Variants in EDEM2 observed in about 807,000 individuals in gnomAD.
The protein encoded by EDEM2 is ER degradation-enhancing alpha-mannosidase-like protein 2.
In EDEM2, 39 loss-of-function variants were observed where a neutral mutation model predicts 64.8. That is an observed-to-expected ratio of 0.60 (90% CI 0.47 to 0.79). The LOEUF (loss-of-function observed/expected upper bound fraction) is 0.79. Ranked by LOEUF, EDEM2 falls within the 30% of genes least tolerant of loss-of-function variation. The pLI, the probability that EDEM2 is intolerant of heterozygous loss-of-function variation, is 0.00. For synonymous variants in EDEM2, 296 were observed against 291.5 expected (o/e 1.02, Z -0.16); for missense variants, 609 against 731.3 (o/e 0.83, Z 1.93).
chr20:35,147,203 T>C lies in EDEM2; in HGVS notation c.56A>G (p.His19Arg), dbSNP rs772512062. ...GCCGTCGGGACCTGGCGCACCATGGTGCTGAGGCAGCAGCGCGCACAGGAG... is the reference window on the plus strand; with the variant it reads ...GCCGTCGGGACCTGGCGCACCATGGCGCTGAGGCAGCAGCGCGCACAGGAG... ...LGLLCALLPQ[H>R]HGAPGPDGSA... is the part of the protein sequence containing the mutation. Residue 19 changes from histidine to arginine, a missense_variant, in exon 1 of 11, where the codon CAC (histidine) becomes CGC (arginine). Coordinates refer to ENST00000374492, the MANE Select transcript of EDEM2 (RefSeq NM_018217.3). 6.2e-7 allele frequency: 1 copy of C among 1,603,150 alleles called. No individual in the cohort carries two copies. The highest frequency in any genetic ancestry group is 1.1e-5 in the South Asian group (1 of 90,130).
chr20:35,146,250 A>G (rs1216416856), intron 2 of EDEM2, among the ~76,000 whole-genome samples: 1 of 152,158 alleles, frequency 6.6e-6, no homozygotes, highest in Non-Finnish European at 1.5e-5. Flanking sequence ...TAAAAAAATA[A>G]AAACCATCAC....
chr20:35,142,175 T>A (rs930574414), intron 4 of EDEM2, among the ~76,000 whole-genome samples, 198 bp downstream of exon 4: 1 of 152,182 alleles, frequency 6.6e-6, no homozygotes, highest in Non-Finnish European at 1.5e-5. Context: ...CTGCTCACTT[T>A]CATATCTGAA....
chr20:35,118,572 G>T, intron 10 of EDEM2, 26 bp downstream of exon 10: 1 of 1,613,616 alleles, frequency 6.2e-7, no homozygotes, highest in Non-Finnish European at 8.5e-7. Flanking sequence ...ACTCTTCCCA[G>T]TTCTTGGGGC....
At chr20:35,146,152 T>C (rs2085729329) in intron 2 of EDEM2, among the ~76,000 whole-genome samples, 2 of 152,038 alleles carry the variant, frequency 1.3e-5, no homozygotes, top group African/African-American at 2.4e-5. Context: ...GGAAAGTTAA[T>C]AGTTGGAATT....
intron 2 of EDEM2, among the ~76,000 whole-genome samples, chr20:35,145,757 G>A (rs551022730): frequency 3.3e-5 from 5 of 152,116 alleles, no homozygotes; most frequent in South Asian, 2.1e-4. Context: ...CCTGTAATCC[G>A]CCAGCACTTT....
chr20:35,146,189 T>C (rs2085730078), intron 2 of EDEM2, among the ~76,000 whole-genome samples: 1 of 152,132 alleles, frequency 6.6e-6, no homozygotes, highest in African/African-American at 2.4e-5. Flanking sequence ...ATTTATTGTA[T>C]ATAATCTTTT....
At chr20:35,126,176 T>G in intron 8 of EDEM2, 75 bp downstream of exon 8, 1 of 1,561,492 alleles carries the variant, frequency 6.4e-7, no homozygotes, top group Non-Finnish European at 8.6e-7. Flanking sequence ...AAGTACATTA[T>G]TTGACTTATA....
At chr20:35,146,967 C>T in intron 1 of EDEM2, 32 bp from the exon 2 acceptor site, 1 of 1,602,202 alleles carries the variant, frequency 6.2e-7, no homozygotes, top group Non-Finnish European at 8.5e-7. Flanking sequence ...AGGCATGGGG[C>T]AAGAACACAA....
intron 5 of EDEM2, among the ~76,000 whole-genome samples, 181 bp downstream of exon 5, chr20:35,137,699 G>A (rs1172170895): frequency 6.6e-6 from 1 of 152,226 alleles, no homozygotes; most frequent in African/African-American, 2.4e-5. Context: ...CAGGGCCCCA[G>A]CAGGCCCTTA....
chr20:35,115,709 G>A lies in EDEM2; in HGVS notation c.1461C>T (p.Cys487=), dbSNP rs745975134. ...ACTGCTCTTCCTTCAGCCTCTGGCA[G>A]CAGTGCAGGGCGGCAGGGTCGATGG... ...AHPIDPAALH[C]CQRLKEEQWE... is the part of the protein sequence containing the mutation. The change falls in exon 11 of 11, where the codon TGC becomes TGT. Residue 487 remains cysteine (C), a synonymous_variant. Transcript: ENST00000374492. 7.4e-6 allele frequency: 12 copies of A among 1,614,236 alleles called. No homozygotes were observed. In the South Asian group the frequency reaches 1.1e-4, roughly 15 times the overall value.
At chr20:35,128,156 T>C (rs1431237050) in intron 7 of EDEM2, among the ~76,000 whole-genome samples, 4 of 151,374 alleles carry the variant, frequency 2.6e-5, no homozygotes, top group South Asian at 2.1e-4. Flanking sequence ...GAGGGCGAGG[T>C]GGGCGGATCA....
chr20:35,128,588 A>G (rs1034697722), intron 7 of EDEM2, among the ~76,000 whole-genome samples: 7 of 149,142 alleles, frequency 4.7e-5, no homozygotes, highest in Non-Finnish European at 1.0e-4. Context: ...AAAATGAAAC[A>G]GCTTCAGGCA....
intron 8 of EDEM2, 140 bp downstream of exon 8, chr20:35,126,111 G>A (rs1371654882): frequency 9.1e-7 from 1 of 1,101,954 alleles, no homozygotes; most frequent in African/African-American, 1.6e-5. Flanking sequence ...TTCACTCTAG[G>A]TCTCTCTTCC....
chr20:35,122,210 T>C (rs187888387), intron 9 of EDEM2, among the ~76,000 whole-genome samples: 114 of 152,282 alleles, frequency 7.5e-4, no homozygotes, highest in African/African-American at 2.6e-3. Flanking sequence ...AGATAACCAC[T>C]TGACAGGGCC....
At chr20:35,128,042 CG>C (rs2085457951) in intron 7 of EDEM2, among the ~76,000 whole-genome samples, 1 of 152,120 alleles carries the variant, frequency 6.6e-6, no homozygotes, top group Non-Finnish European at 1.5e-5. Flanking sequence ...ACCATTTACG[CG>C]TTTATGTATT....
At chr20:35,127,769 A>G (rs1022798129) in intron 7 of EDEM2, among the ~76,000 whole-genome samples, 6 of 152,238 alleles carry the variant, frequency 3.9e-5, no homozygotes, top group Non-Finnish European at 8.8e-5. Context: ...AACCATGGAT[A>G]GTACTAAATA....
chr20:35,131,598 C>T, intron 7 of EDEM2, 44 bp downstream of exon 7: 1 of 1,596,826 alleles, frequency 6.3e-7, no homozygotes, highest in African/African-American at 1.3e-5. Context: ...CACACATCAG[C>T]AAGAAAAATG....
intron 7 of EDEM2, among the ~76,000 whole-genome samples, chr20:35,130,070 T>A (rs933407374): frequency 6.6e-5 from 10 of 152,154 alleles, no homozygotes; most frequent in African/African-American, 2.2e-4. Flanking sequence ...ATTAAATTTT[T>A]AAAAATTTTT....
At chr20:35,146,767 C>A in intron 2 of EDEM2, 58 bp downstream of exon 2, 1 of 1,575,656 alleles carries the variant, frequency 6.3e-7, no homozygotes, top group Non-Finnish European at 8.6e-7. Context: ...AGCTGACCCG[C>A]CCGCCGAGGC....
Sources: allele counts gnomAD v4.1 joint callset (sites outside exome capture counted in the v4.1 genomes callset), GRCh38; gene constraint gnomAD v4.1.1; transcripts MANE v1.5; gene names NCBI Gene and HGNC (gene_info 2026-07-23, HGNC 2026-07-21).